The following STK26 variants were observed in gnomAD, a reference collection of about 807,000 sequenced individuals.
The protein encoded by STK26 is serine/threonine kinase 26, also known as serine/threonine-protein kinase 26.
A neutral mutation model predicts 34.7 loss-of-function variants in STK26; 14 were observed. That is an observed-to-expected ratio of 0.40 (90% CI 0.27 to 0.63). STK26 has a LOEUF of 0.63. STK26 is among the 30% of genes least tolerant of loss of function. The pLI, the probability that STK26 is intolerant of heterozygous loss-of-function variation, is 0.38. For synonymous variants in STK26, 100 were observed against 109.8 expected (o/e 0.91, Z 0.56); for missense variants, 226 against 309.1 (o/e 0.73, Z 2.02).
At chrX:132,071,279 C>T (rs1386712315) in intron 8 of STK26, 62 bp downstream of exon 8, 5 of 1,108,010 alleles carry the variant, frequency 4.5e-6, no homozygotes, top group African/African-American at 1.8e-5. Flanking sequence ...TATCTTTTAG[C>T]TATGCTCCAG....
chrX:132,040,611 G>A (rs982448427), intron 2 of STK26, among the ~76,000 whole-genome samples: 1 of 111,571 alleles, frequency 9.0e-6, no homozygotes, highest in Non-Finnish European at 1.9e-5. Flanking sequence ...TATAAGGGAG[G>A]ACAGGGGAGA....
At chrX:132,050,790 AC>A (rs1926660920) in intron 2 of STK26, among the ~76,000 whole-genome samples, 1 of 111,756 alleles carries the variant, frequency 8.9e-6, no homozygotes, top group African/African-American at 3.3e-5. Context: ...ATTAGATGAG[AC>A]CCATATGCTT....
At chrX:132,034,636 G>T (rs1275584455) in intron 2 of STK26, among the ~76,000 whole-genome samples, 1 of 111,481 alleles carries the variant, frequency 9.0e-6, no homozygotes, top group East Asian at 2.8e-4. Context: ...AAGGAGGTTT[G>T]GGTTTTTATT....
At chrX:132,057,160 G>C (rs958765895) in intron 3 of STK26, among the ~76,000 whole-genome samples, 1 of 112,329 alleles carries the variant, frequency 8.9e-6, no homozygotes, top group Non-Finnish European at 1.9e-5. Context: ...GAGGTCTGGA[G>C]CTGCATCAGT....
chrX:132,055,862 A>C (rs907362835), intron 3 of STK26, among the ~76,000 whole-genome samples: 4 of 111,906 alleles, frequency 3.6e-5, no homozygotes, highest in African/African-American at 1.3e-4. Flanking sequence ...AAAACTTCGG[A>C]TATCCATCTA....
At chrX:132,037,596 T>G (rs1172185802) in intron 2 of STK26, among the ~76,000 whole-genome samples, 2 of 110,581 alleles carry the variant, frequency 1.8e-5, no homozygotes, top group Non-Finnish European at 3.8e-5. Context: ...ATGTGGGCAG[T>G]AAACGAGTGA....
chrX:132,028,776 G>A (rs1423970178), intron 2 of STK26, among the ~76,000 whole-genome samples: 5 of 111,205 alleles, frequency 4.5e-5, no homozygotes, highest in Non-Finnish European at 5.7e-5. Flanking sequence ...GGTGGGGGAT[G>A]GGGGGATTCT....
chrX:132,057,517 A>G (rs1037821638), intron 3 of STK26, among the ~76,000 whole-genome samples: 2 of 110,886 alleles, frequency 1.8e-5, no homozygotes, highest in Non-Finnish European at 1.9e-5. Context: ...GAATCCTTCC[A>G]GAGTTACTTG....
Position 132,074,321 on chromosome X carries a change from C to T in STK26, c.*162C>T. On this transcript the variant is annotated 3_prime_UTR_variant, in exon 12 of 12. Transcript: ENST00000394334. ...TAAACTATTTTGTGATGGCGTTTAT[C>T]ATTTTATATTTTGAAAGGATTATTT... The T allele has an allele frequency of 2.3e-6, 1 of 433,531 alleles. No individual in the cohort carries two copies. Among genetic ancestry groups the T allele is most frequent in the Admixed American group, 4.4e-5 (1 of 22,962 alleles). 35.7% of individuals were successfully genotyped at this position (433,531 alleles called of 1,213,427 possible). A position where few individuals can be genotyped will look rare whatever the true frequency, so the allele number is the denominator to read the frequency against.
At chrX:132,072,922 A>G in intron 10 of STK26, 35 bp from the exon 11 acceptor site, 2 of 1,206,788 alleles carry the variant, frequency 1.7e-6, no homozygotes, top group South Asian at 3.6e-5. Context: ...AAGTAGTATA[A>G]TATTTTAAAT....
Position 132,073,026 on chromosome X carries a change from G to A in STK26, c.1159G>A (p.Val387Met). ...AIEELEKSIA[V>M]AEAACPGITD... is the part of the protein sequence containing the mutation. ...TGAAGAACTCGAGAAAAGTATTGCTGTGGCTGAAGCCGCCTGTCCCGGCAT... is the reference window on the plus strand; with the variant it reads ...TGAAGAACTCGAGAAAAGTATTGCTATGGCTGAAGCCGCCTGTCCCGGCAT... The change falls in exon 11 of 12, where the codon GTG (valine) becomes ATG (methionine). Residue 387 changes from valine (V) to methionine (M), a missense_variant. Around this residue, in one of 2 missense-constraint regions of STK26, gnomAD observed 126 missense variants for 132.4 expected, o/e 0.95. Transcript: ENST00000394334. 2.5e-6 allele frequency: 3 copies of A among 1,210,676 alleles called. No homozygotes were observed. Among genetic ancestry groups the A allele is most frequent in the Non-Finnish European group, 3.4e-6 (3 of 894,605 alleles).
At chrX:132,042,298 G>A (rs1926294116) in intron 2 of STK26, among the ~76,000 whole-genome samples, 1 of 111,116 alleles carries the variant, frequency 9.0e-6, no homozygotes, top group Non-Finnish European at 1.9e-5. Context: ...ACAATATTTA[G>A]TGCTTTTTCC....
intron 3 of STK26, among the ~76,000 whole-genome samples, chrX:132,058,070 A>G (rs1463449897): frequency 2.7e-5 from 3 of 112,176 alleles, no homozygotes; most frequent in Non-Finnish European, 5.6e-5. Flanking sequence ...TACTACATAC[A>G]TAATTATTTG....
intron 2 of STK26, among the ~76,000 whole-genome samples, chrX:132,040,107 A>G (rs1457731690): frequency 8.9e-6 from 1 of 112,238 alleles, no homozygotes; most frequent in Non-Finnish European, 1.9e-5. Flanking sequence ...AATATTTTTT[A>G]CATTTTAAAA....
intron 4 of STK26, among the ~76,000 whole-genome samples, chrX:132,065,753 C>T (rs1011307456): frequency 4.5e-5 from 5 of 112,038 alleles, no homozygotes; most frequent in Admixed American, 1.9e-4. Flanking sequence ...CCTTTAGCCT[C>T]CTTGTGTCTT....
intron 2 of STK26, among the ~76,000 whole-genome samples, chrX:132,029,201 C>T (rs1242029885): frequency 8.9e-6 from 1 of 111,931 alleles, no homozygotes; most frequent in Non-Finnish European, 1.9e-5. Context: ...ATGTACTTCT[C>T]TTGCTTGAGT....
At chrX:132,065,330 C>G (rs1415446681) in intron 4 of STK26, among the ~76,000 whole-genome samples, 1 of 111,845 alleles carries the variant, frequency 8.9e-6, no homozygotes, top group Non-Finnish European at 1.9e-5. Context: ...ATCCTCCTTC[C>G]ATTTTTTGAA....
In STK26 at chrX:132,024,751, G is replaced by GTTT. The variant is rs200767685; in HGVS notation, c.42+1105_42+1107dup. On this transcript the variant is annotated intron_variant, in intron 2 of 11. Transcript: ENST00000394334. ...CTCAATTTACTTATTGATACATGGA[G>GTTT]TTTTTTTTTTTTTTTCAGTGTTCTC... Among the ~76,000 whole-genome samples the GTTT allele has an allele frequency of 9.4e-4, 90 of 95,840 alleles. 1 individual carries two copies. The highest frequency in any genetic ancestry group is 3.2e-3 in the African/African-American group (85 of 26,392). The allele number at this position is 95,840 out of a possible 115,157, so 83.2% of individuals were successfully genotyped here. A position where few individuals can be genotyped will look rare whatever the true frequency, so the allele number is the denominator to read the frequency against.
intron 2 of STK26, among the ~76,000 whole-genome samples, chrX:132,049,594 G>A (rs923664817): frequency 2.9e-4 from 33 of 112,132 alleles, no homozygotes; most frequent in African/African-American, 9.1e-4. Context: ...ACATTGTTAG[G>A]CTGAAGTTTT....
Sources: gnomAD v4.1 joint callset for allele counts (sites outside exome capture counted in the v4.1 genomes callset) on GRCh38, gnomAD v4.1.1 for gene constraint, gnomAD v4.1.1 regional missense constraint, MANE v1.5 for transcripts, NCBI Gene and HGNC (gene_info 2026-07-23, HGNC 2026-07-21) for gene names.